Variants in SMG9 observed in about 807,000 individuals in gnomAD.
SMG9 encodes the protein nonsense-mediated mRNA decay factor SMG9.
In SMG9, 55 loss-of-function variants were observed where a neutral mutation model predicts 64.0. That is an observed-to-expected ratio of 0.86 (90% CI 0.69 to 1.08). The LOEUF (loss-of-function observed/expected upper bound fraction) is 1.08. SMG9 is among the 50% of genes least tolerant of loss of function. The probability of loss-of-function intolerance (pLI) is 0.00; values close to 1 mark genes in which losing one functional copy is unlikely to be tolerated. For missense variants in SMG9, 554 were observed against 681.3 expected, an observed-to-expected ratio of 0.81 and a Z score of 2.08; for synonymous variants, 244 against 254.8, an observed-to-expected ratio of 0.96 and a Z score of 0.41.
At chr19:43,752,626 G>C (rs1015592492) in intron 1 of SMG9, among the ~76,000 whole-genome samples, 2 of 152,132 alleles carry the variant, frequency 1.3e-5, no homozygotes, top group Non-Finnish European at 2.9e-5. Context: ...GGCCGAGTAT[G>C]GTGGCTCACA....
At chr19:43,743,731 G>C (rs1968911479) in intron 6 of SMG9, among the ~76,000 whole-genome samples, 1 of 152,216 alleles carries the variant, frequency 6.6e-6, no homozygotes. Flanking sequence ...GGGAGGTAGA[G>C]GATGCAGTGG....
chr19:43,734,706 G>T, intron 9 of SMG9: 3 of 435,324 alleles, frequency 6.9e-6, no homozygotes, highest in Admixed American at 3.9e-5. Flanking sequence ...TAAATTCTTT[G>T]AGTTTACTGT....
rs917649467 is a variant in SMG9 at position 43,731,359 on chromosome 19, C to T, written c.*237G>A. ...GCTTGTCCCTGTGGAGGACACAGGA[C>T]GGGCTACCCCATCTCAGGTTTGGGG... is the stretch of plus-strand genomic sequence containing the variant. On this transcript the variant is annotated 3_prime_UTR_variant, in exon 14 of 14. Transcript: ENST00000270066. The T allele has an allele frequency of 3.7e-5, 49 of 1,339,974 alleles. No individual in the cohort carries two copies. In the African/African-American group the frequency reaches 5.4e-4, roughly 15 times the overall value. The allele number at this position is 1,339,974 out of a possible 1,614,324, so 83.0% of individuals were successfully genotyped here. A position where few individuals can be genotyped will look rare whatever the true frequency, so the allele number is the denominator to read the frequency against.
chr19:43,752,902 T>TAAAAAAAA lies in SMG9; in HGVS notation c.-7+1744_-7+1751dup, dbSNP rs775445159. On this transcript the variant is annotated intron_variant, in intron 1 of 13. Transcript: ENST00000270066. ...CTGGGTAACAAAGCAAGACCCTGTCTAAAAAAAAAAAAAAGCAGAACCCTG... is the reference window on the plus strand; with the variant it reads ...CTGGGTAACAAAGCAAGACCCTGTCTAAAAAAAAAAAAAAAAAAAAAAGCAGAACCCTG... 1.9e-4 allele frequency among the ~76,000 whole-genome samples: 18 copies of TAAAAAAAA among 96,312 alleles called. 1 individual carries two copies. The highest frequency in any genetic ancestry group is 6.2e-4 in the African/African-American group (13 of 21,136). The allele number at this position is 96,312 out of a possible 152,430, so 63.2% of individuals were successfully genotyped here. A position where few individuals can be genotyped will look rare whatever the true frequency, so the allele number is the denominator to read the frequency against.
intron 1 of SMG9, among the ~76,000 whole-genome samples, chr19:43,752,988 T>C (rs942164315): frequency 1.3e-5 from 2 of 151,174 alleles, no homozygotes; most frequent in African/African-American, 4.9e-5. Flanking sequence ...AATCCCTCCA[T>C]GAATCCTCCC....
At position 43,734,496 on chromosome 19, in the gene SMG9, C is replaced by T. The variant is rs1968593933; in HGVS notation, c.996-1G>A. 1 of 1,553,772 alleles carries T rather than the reference C, an allele frequency of 6.4e-7. No homozygotes were observed. The highest frequency in any genetic ancestry group is 1.4e-5 in the African/African-American group (1 of 73,304). On this transcript the variant is annotated splice_acceptor_variant, in intron 9 of 13. Coordinates refer to ENST00000270066, the MANE Select transcript of SMG9 (RefSeq NM_019108.4). LOFTEE classifies it high-confidence loss of function. ...CACCATCTCTGCTGTCTGCAGGAAC[C>T]TTGGGGTTTGGGGTGAGTGGCTGTT...
At chr19:43,749,139 G>A (rs1452037427) in intron 2 of SMG9, among the ~76,000 whole-genome samples, 1 of 152,206 alleles carries the variant, frequency 6.6e-6, no homozygotes, top group African/African-American at 2.4e-5. Context: ...GAGCACTTCG[G>A]ATATTCAGTC....
chr19:43,745,254 G>A (rs372067064), intron 5 of SMG9, among the ~76,000 whole-genome samples: 21 of 152,340 alleles, frequency 1.4e-4, no homozygotes, highest in African/African-American at 4.1e-4. Flanking sequence ...GATAGGACTC[G>A]GCGACTGAGG....
rs368481505 is a variant in SMG9, at chr19:43,734,408, G to A, written c.1083C>T (p.Thr361=). The change falls in exon 10 of 14, where the codon ACC becomes ACT. Residue 361 remains threonine (T), a synonymous_variant. Transcript: ENST00000270066. ...SSSSSGSDEG[T]EYYPHLVFLQ... ...TCTCACCTAGGTGGGGGTAGTACTC[G>A]GTGCCTTCATCGGAGCCCGATGAGC... 34 of 1,556,082 alleles carry A rather than the reference G, an allele frequency of 2.2e-5. No homozygotes were observed. The highest frequency in any genetic ancestry group is 9.5e-5 in the African/African-American group (7 of 73,394).
At position 43,733,571 on chromosome 19, in the gene SMG9, T is replaced by C. The variant is rs1820604681; in HGVS notation, c.1210+55A>G. On this transcript the variant is annotated intron_variant, in intron 11 of 13. Coordinates refer to ENST00000270066, the MANE Select transcript of SMG9 (RefSeq NM_019108.4). ...TGGGGGTAGAGACTGACCCACGGGG[T>C]TGGATCAGGAATTAGGAGGCTGACT... The C allele has an allele frequency of 1.4e-5, 23 of 1,605,868 alleles. No homozygotes were observed. In the South Asian group the frequency reaches 2.4e-4, roughly 17 times the overall value.
At chr19:43,742,412 G>A (rs1404493904) in intron 6 of SMG9, among the ~76,000 whole-genome samples, 2 of 152,182 alleles carry the variant, frequency 1.3e-5, no homozygotes, top group East Asian at 1.9e-4. Flanking sequence ...CTCCAGCCTG[G>A]GTGACAGAGC....
At position 43,754,745 on chromosome 19, in the gene SMG9, C is replaced by G. The variant is rs907226049; in HGVS notation, c.-98G>C. The G allele has an allele frequency of 1.3e-5, 2 of 152,174 alleles. No individual in the cohort carries two copies. The highest frequency in any genetic ancestry group is 4.8e-5 in the African/African-American group (2 of 41,422). The allele number at this position is 152,174 out of a possible 1,614,324, so 9.4% of individuals were successfully genotyped here. A position where few individuals can be genotyped will look rare whatever the true frequency, so the allele number is the denominator to read the frequency against. On this transcript the variant is annotated 5_prime_UTR_variant, in exon 1 of 14. Transcript: ENST00000270066. Reference sequence around the variant, plus strand: ...GGCGGGGAGGCTGACCCAAGCCACCCGCCTGCAAATGGCGTCTGGGGGCCA... The same window carrying G: ...GGCGGGGAGGCTGACCCAAGCCACCGGCCTGCAAATGGCGTCTGGGGGCCA...
At chr19:43,752,848 A>G (rs1969229433) in intron 1 of SMG9, among the ~76,000 whole-genome samples, 1 of 149,346 alleles carries the variant, frequency 6.7e-6, no homozygotes, top group Non-Finnish European at 1.5e-5. Context: ...CAAGGCTGCC[A>G]TGATCATGCT....
chr19:43,747,324 C>T (rs1431406215), intron 5 of SMG9, 118 bp downstream of exon 5: 1 of 883,368 alleles, frequency 1.1e-6, no homozygotes, highest in Non-Finnish European at 1.8e-6. Context: ...TGATACCACC[C>T]CCTCTCACTG....
chr19:43,741,347 T>C (rs998475291), intron 6 of SMG9, among the ~76,000 whole-genome samples: 36 of 152,250 alleles, frequency 2.4e-4, no homozygotes, highest in African/African-American at 8.2e-4. Context: ...AGTAGGTGGC[T>C]TGTTGTACTA....
At chr19:43,754,081 T>C (rs1376512069) in intron 1 of SMG9, among the ~76,000 whole-genome samples, 1 of 152,138 alleles carries the variant, frequency 6.6e-6, no homozygotes, top group Admixed American at 6.5e-5. Context: ...CGAATTTACA[T>C]ATTTTTGGGG....
chr19:43,752,902 TAA>T (rs775445159), intron 1 of SMG9, among the ~76,000 whole-genome samples: 19 of 96,214 alleles, frequency 2.0e-4, no homozygotes, highest in Non-Finnish European at 1.9e-4. Context: ...AGACCCTGTC[TAA>T]AAAAAAAAAA....
At chr19:43,746,621 C>T (rs555217246) in intron 5 of SMG9, among the ~76,000 whole-genome samples, 1 of 150,450 alleles carries the variant, frequency 6.6e-6, no homozygotes, top group South Asian at 2.1e-4. Flanking sequence ...ACCTCTGGGA[C>T]AATCTGAGCA....
chr19:43,746,078 C>T (rs1040512457), intron 5 of SMG9, among the ~76,000 whole-genome samples: 1 of 152,048 alleles, frequency 6.6e-6, no homozygotes, highest in African/African-American at 2.4e-5. Context: ...GAAGCTGAGG[C>T]TGGAGAACTG....
Sources: allele counts gnomAD v4.1 joint callset (sites outside exome capture counted in the v4.1 genomes callset), GRCh38; gene constraint gnomAD v4.1.1; transcripts MANE v1.5; gene names NCBI Gene and HGNC (gene_info 2026-07-23, HGNC 2026-07-21).